The following XYLT1 variants were observed in gnomAD, a reference collection of about 807,000 sequenced individuals.
The protein encoded by XYLT1 is beta-D-xylosyltransferase 1.
XYLT1 carries 36 observed loss-of-function variants against 91.3 expected under a neutral mutation model. The ratio of observed to expected loss-of-function variants is 0.39; its 90% CI spans 0.30 to 0.52. The LOEUF (loss-of-function observed/expected upper bound fraction) is 0.52, where lower values mean the gene tolerates loss of function less well. Ranked by LOEUF, XYLT1 falls within the 20% of genes least tolerant of loss-of-function variation. The probability of loss-of-function intolerance (pLI) is 0.68; values close to 1 mark genes in which losing one functional copy is unlikely to be tolerated. For missense variants in XYLT1, 1,242 were observed against 1,284.5 expected, an observed-to-expected ratio of 0.97 and a Z score of 0.51; for synonymous variants, 588 against 532.0, an observed-to-expected ratio of 1.11 and a Z score of -1.45.
intron 5 of XYLT1, among the ~76,000 whole-genome samples, chr16:17,192,080 C>A (rs1299468666): frequency 1.4e-5 from 2 of 144,748 alleles, no homozygotes; most frequent in Admixed American, 1.4e-4. Context: ...GGCGTGAGGT[C>A]TCTCTCTCTC....
chr16:17,183,960 C>G (rs1412441511), intron 5 of XYLT1, among the ~76,000 whole-genome samples: 1 of 152,138 alleles, frequency 6.6e-6, no homozygotes, highest in African/African-American at 2.4e-5. Context: ...CCTTATCCCA[C>G]TTTTAATACA....
At chr16:17,425,370 C>G (rs1364697277) in intron 1 of XYLT1, among the ~76,000 whole-genome samples, 1 of 152,126 alleles carries the variant, frequency 6.6e-6, no homozygotes, top group African/African-American at 2.4e-5. Flanking sequence ...AGCCAAGAAA[C>G]CATTTTTCTT....
At chr16:17,277,481 C>T (rs747159697) in intron 2 of XYLT1, among the ~76,000 whole-genome samples, 26 of 152,172 alleles carry the variant, frequency 1.7e-4, no homozygotes, top group Non-Finnish European at 2.9e-4. Flanking sequence ...CCTCTGCCTC[C>T]GGGGTTCAAG....
intron 1 of XYLT1, among the ~76,000 whole-genome samples, chr16:17,359,662 T>C (rs765222509): frequency 6.6e-6 from 1 of 152,118 alleles, no homozygotes; most frequent in Admixed American, 6.5e-5. Flanking sequence ...CAAGAAAACA[T>C]GGAGGGGAAT....
At position 17,421,818 on chromosome 16, in the gene XYLT1, A is replaced by C. The variant is rs527884047; in HGVS notation, c.363+48616T>G. Among the ~76,000 whole-genome samples the C allele has an allele frequency of 2.1e-4, 32 of 152,318 alleles. No individual in the cohort carries two copies. In the South Asian group the frequency reaches 5.6e-3, roughly 27 times the overall value. ...AAGCCACTCAGTTTTCAGATAGTTT[A>C]TTATGGAATACCAGAGAACTGTTAA... is the stretch of plus-strand genomic sequence containing the variant. On this transcript the variant is annotated intron_variant, in intron 1 of 11. Coordinates refer to ENST00000261381, the MANE Select transcript of XYLT1 (RefSeq NM_022166.4).
chr16:17,411,986 T>G (rs2036115189), intron 1 of XYLT1, among the ~76,000 whole-genome samples: 1 of 151,912 alleles, frequency 6.6e-6, no homozygotes, highest in Non-Finnish European at 1.5e-5. Flanking sequence ...GGGCACATTT[T>G]CAGAAAGCCC....
At chr16:17,207,369 T>A (rs1203555366) in intron 3 of XYLT1, among the ~76,000 whole-genome samples, 1 of 152,148 alleles carries the variant, frequency 6.6e-6, no homozygotes, top group Non-Finnish European at 1.5e-5. Context: ...CCAGGTTGGT[T>A]CTCTTGATAC....
At chr16:17,323,939 A>T (rs759384340) in intron 2 of XYLT1, among the ~76,000 whole-genome samples, 8 of 152,228 alleles carry the variant, frequency 5.3e-5, no homozygotes, top group Admixed American at 2.0e-4. Context: ...AGAGCTGGCC[A>T]ACTTCAGATC....
intron 2 of XYLT1, among the ~76,000 whole-genome samples, chr16:17,311,950 C>T (rs765890371): frequency 6.6e-6 from 1 of 152,072 alleles, no homozygotes; most frequent in Non-Finnish European, 1.5e-5. Flanking sequence ...CCCGATGATT[C>T]AGTTATCTCC....
At chr16:17,442,716 G>A (rs959217662) in intron 1 of XYLT1, among the ~76,000 whole-genome samples, 1 of 152,142 alleles carries the variant, frequency 6.6e-6, no homozygotes, top group African/African-American at 2.4e-5. Context: ...CCTCCAATAA[G>A]CCTTTGCAGC....
At chr16:17,366,617 C>A (rs1025742844) in intron 1 of XYLT1, among the ~76,000 whole-genome samples, 2 of 152,158 alleles carry the variant, frequency 1.3e-5, no homozygotes, top group African/African-American at 4.8e-5. Flanking sequence ...ACAGCTTGAA[C>A]CCTGGCGGCA....
intron 2 of XYLT1, among the ~76,000 whole-genome samples, chr16:17,267,535 T>G (rs969778297): frequency 1.3e-5 from 2 of 151,940 alleles, no homozygotes; most frequent in Non-Finnish European, 2.9e-5. Context: ...GCCTCCCGAG[T>G]AGCTGGGACT....
At chr16:17,296,405 C>A (rs1355655405) in intron 2 of XYLT1, among the ~76,000 whole-genome samples, 1 of 152,164 alleles carries the variant, frequency 6.6e-6, no homozygotes, top group African/African-American at 2.4e-5. Context: ...AGCCCTGCTC[C>A]TTCCAGAAAC....
chr16:17,205,110 C>G (rs567022706), intron 3 of XYLT1, among the ~76,000 whole-genome samples: 1 of 152,060 alleles, frequency 6.6e-6, no homozygotes, highest in Non-Finnish European at 1.5e-5. Context: ...CCAGGTTTAT[C>G]GAGAGAGAAT....
At chr16:17,220,314 TA>T (rs1002589621) in intron 3 of XYLT1, among the ~76,000 whole-genome samples, 23 of 149,674 alleles carry the variant, frequency 1.5e-4, no homozygotes, top group African/African-American at 3.7e-4. Context: ...AACTGCCATT[TA>T]AAAAAAAAAT....
At chr16:17,247,473 C>T (rs976755934) in intron 3 of XYLT1, among the ~76,000 whole-genome samples, 1 of 152,180 alleles carries the variant, frequency 6.6e-6, no homozygotes, top group East Asian at 1.9e-4. Context: ...GAGAGGTGGC[C>T]TATGGCTGAC....
intron 2 of XYLT1, among the ~76,000 whole-genome samples, chr16:17,270,900 G>A (rs1163339414): frequency 6.6e-6 from 1 of 152,128 alleles, no homozygotes; most frequent in Non-Finnish European, 1.5e-5. Context: ...CAGAAAAAAT[G>A]AATGCCCCTT....
At chr16:17,248,965 G>T (rs185225156) in intron 3 of XYLT1, among the ~76,000 whole-genome samples, 1 of 151,760 alleles carries the variant, frequency 6.6e-6, no homozygotes, top group Non-Finnish European at 1.5e-5. Context: ...GACCTCAAGC[G>T]ATCCACCTGC....
intron 1 of XYLT1, among the ~76,000 whole-genome samples, chr16:17,451,647 A>G (rs1313356800): frequency 6.6e-6 from 1 of 152,198 alleles, no homozygotes; most frequent in Non-Finnish European, 1.5e-5. Flanking sequence ...TAGATTATCA[A>G]TGGCTGTTGC....
Sources: gnomAD v4.1 joint callset for allele counts (sites outside exome capture counted in the v4.1 genomes callset) on GRCh38, gnomAD v4.1.1 for gene constraint, MANE v1.5 for transcripts, NCBI Gene and HGNC (gene_info 2026-07-23, HGNC 2026-07-21) for gene names.